The following CNTNAP2 variants were observed in gnomAD, a reference collection of about 807,000 sequenced individuals.
The protein encoded by CNTNAP2 is contactin associated protein 2, also known as contactin-associated protein-like 2.
In CNTNAP2, 98 loss-of-function variants were observed where a neutral mutation model predicts 155.2. That is an observed-to-expected ratio of 0.63 (90% CI 0.54 to 0.75). The LOEUF (loss-of-function observed/expected upper bound fraction) is 0.75. CNTNAP2 is among the 30% of genes least tolerant of loss of function. The pLI, the probability that CNTNAP2 is intolerant of heterozygous loss-of-function variation, is 0.00. For missense variants in CNTNAP2, 1,727 were observed against 1,688.1 expected (o/e 1.02, Z -0.40); for synonymous variants, 651 against 631.2 (o/e 1.03, Z -0.47).
In CNTNAP2 at chr7:148,330,636, C is replaced by T. The variant is rs147812024; in HGVS notation, c.3476-53013C>T. On this transcript the variant is annotated intron_variant, in intron 21 of 23. Coordinates refer to ENST00000361727, the MANE Select transcript of CNTNAP2 (RefSeq NM_014141.6). ...GGAATGGACACATGGAGTGGACGGA[C>T]GGAGTGGACGGATGGAATGGATGGA... is the stretch of plus-strand genomic sequence containing the variant. 1.5e-3 allele frequency among the ~76,000 whole-genome samples: 147 copies of T among 96,632 alleles called. 3 individuals are homozygous for T. The highest frequency in any genetic ancestry group is 8.0e-3 in the East Asian group (16 of 2,000). The allele number at this position is 96,632 out of a possible 152,430, so 63.4% of individuals were successfully genotyped here. A position where few individuals can be genotyped will look rare whatever the true frequency, so the allele number is the denominator to read the frequency against.
At chr7:146,819,392 G>A (rs1034508235) in intron 2 of CNTNAP2, among the ~76,000 whole-genome samples, 1 of 152,068 alleles carries the variant, frequency 6.6e-6, no homozygotes, top group Non-Finnish European at 1.5e-5. Flanking sequence ...AAATGATACA[G>A]TGACCACTTC....
intron 8 of CNTNAP2, among the ~76,000 whole-genome samples, chr7:147,158,707 G>T (rs1198239666): frequency 6.6e-6 from 1 of 151,604 alleles, no homozygotes; most frequent in Non-Finnish European, 1.5e-5. Flanking sequence ...AGCAAAACCT[G>T]AATGATGGAG....
chr7:146,682,026 C>T (rs994056472), intron 1 of CNTNAP2, among the ~76,000 whole-genome samples: 3 of 152,044 alleles, frequency 2.0e-5, no homozygotes, highest in Non-Finnish European at 4.4e-5. Context: ...GTATAAGCTA[C>T]ATCATCATAT....
chr7:147,671,406 G>T (rs1795784933), intron 13 of CNTNAP2, among the ~76,000 whole-genome samples: 2 of 152,174 alleles, frequency 1.3e-5, no homozygotes, highest in Non-Finnish European at 2.9e-5. Context: ...GAACAACGCT[G>T]AGAAAACTGG....
At chr7:146,435,856 C>CA (rs1318264677) in intron 1 of CNTNAP2, among the ~76,000 whole-genome samples, 3 of 152,212 alleles carry the variant, frequency 2.0e-5, no homozygotes, top group Admixed American at 2.0e-4. Flanking sequence ...AGTCAATTCT[C>CA]AACAGGAGCT....
At chr7:147,738,723 T>C (rs2177721) in intron 13 of CNTNAP2, among the ~76,000 whole-genome samples, 116,847 of 149,712 alleles carry the variant, frequency 0.78, 45,805 homozygotes, top group East Asian at 0.99. Context: ...GGTGCAATCT[T>C]GGGTCACTGC....
intron 22 of CNTNAP2, among the ~76,000 whole-genome samples, chr7:148,399,165 A>G (rs10281859): frequency 0.11 from 17,036 of 152,188 alleles, 1,850 homozygotes; most frequent in African/African-American, 0.28. Context: ...TGTCTGACAT[A>G]CCATAATATG....
intron 21 of CNTNAP2, among the ~76,000 whole-genome samples, chr7:148,313,200 G>C (rs1000926069): frequency 6.6e-6 from 1 of 150,784 alleles, no homozygotes; most frequent in African/African-American, 2.4e-5. Context: ...ATGTGGAGTG[G>C]GTAGCCTCCA....
intron 8 of CNTNAP2, among the ~76,000 whole-genome samples, chr7:147,198,733 A>G (rs1802859829): frequency 6.6e-6 from 1 of 152,180 alleles, no homozygotes; most frequent in Non-Finnish European, 1.5e-5. Flanking sequence ...AGTTTGTCAT[A>G]TGAATAATGA....
intron 13 of CNTNAP2, among the ~76,000 whole-genome samples, chr7:147,693,116 C>G (rs956825438): frequency 1.3e-5 from 2 of 151,974 alleles, no homozygotes; most frequent in African/African-American, 4.8e-5. Flanking sequence ...AGAAAACTAT[C>G]TTTTCTTCAT....
At chr7:146,527,641 C>T (rs1347530673) in intron 1 of CNTNAP2, among the ~76,000 whole-genome samples, 1 of 151,910 alleles carries the variant, frequency 6.6e-6, no homozygotes, top group African/African-American at 2.4e-5. Context: ...TAAATAATCT[C>T]TTGACAGCCT....
intron 13 of CNTNAP2, among the ~76,000 whole-genome samples, chr7:147,798,688 A>T (rs1797940177): frequency 6.6e-6 from 1 of 152,192 alleles, no homozygotes; most frequent in Non-Finnish European, 1.5e-5. Context: ...TGGGTCACAC[A>T]CTCATTCCTA....
At chr7:146,825,061 G>A (rs1367197346) in intron 2 of CNTNAP2, among the ~76,000 whole-genome samples, 3 of 151,874 alleles carry the variant, frequency 2.0e-5, no homozygotes, top group African/African-American at 7.3e-5. Flanking sequence ...TATTTACAAG[G>A]CTTATCTGTC....
At chr7:147,631,060 A>G (rs976016386) in intron 12 of CNTNAP2, among the ~76,000 whole-genome samples, 5 of 152,114 alleles carry the variant, frequency 3.3e-5, no homozygotes, top group Non-Finnish European at 7.4e-5. Context: ...ATATGATCAT[A>G]TACCTAGAAA....
intron 13 of CNTNAP2, among the ~76,000 whole-genome samples, chr7:147,693,445 G>T (rs908666560): frequency 6.6e-6 from 1 of 152,052 alleles, no homozygotes; most frequent in African/African-American, 2.4e-5. Context: ...AGTAGATATT[G>T]TGATAATATT....
chr7:146,684,728 A>C (rs1287224457), intron 1 of CNTNAP2, among the ~76,000 whole-genome samples: 1 of 150,276 alleles, frequency 6.7e-6, no homozygotes, highest in African/African-American at 2.4e-5. Flanking sequence ...TACCTATTTG[A>C]CATTTTCAAA....
intron 1 of CNTNAP2, among the ~76,000 whole-genome samples, chr7:146,217,603 G>T (rs116012722): frequency 3.9e-5 from 6 of 152,074 alleles, no homozygotes; most frequent in Non-Finnish European, 8.8e-5. Context: ...TTCTCTACAC[G>T]AAAGTATGCT....
At chr7:146,727,413 G>A (rs942661747) in intron 1 of CNTNAP2, among the ~76,000 whole-genome samples, 3 of 152,160 alleles carry the variant, frequency 2.0e-5, no homozygotes, top group Admixed American at 6.5e-5. Flanking sequence ...GGAGAATGAT[G>A]CTTTAGATCC....
At chr7:147,971,177 G>A (rs1801328240) in intron 14 of CNTNAP2, among the ~76,000 whole-genome samples, 2 of 152,186 alleles carry the variant, frequency 1.3e-5, no homozygotes, top group Admixed American at 6.5e-5. Flanking sequence ...ACACCACTTT[G>A]TAGTTCATTA....
Sources: allele counts gnomAD v4.1 joint callset (sites outside exome capture counted in the v4.1 genomes callset), GRCh38; gene constraint gnomAD v4.1.1; transcripts MANE v1.5; gene names NCBI Gene and HGNC (gene_info 2026-07-23, HGNC 2026-07-21).